PTPRD: variants seen among roughly 807,000 people sequenced by gnomAD.
The protein encoded by PTPRD is protein tyrosine phosphatase receptor type D.
PTPRD carries 34 observed loss-of-function variants against 214.5 expected under a neutral mutation model. That is an observed-to-expected ratio of 0.16 (90% CI 0.12 to 0.21). The LOEUF is 0.21. Ranked by LOEUF, PTPRD falls within the 10% of genes least tolerant of loss-of-function variation. The probability of loss-of-function intolerance (pLI) is 1.00; values close to 1 mark genes in which losing one functional copy is unlikely to be tolerated. For missense variants in PTPRD, 2,545 were observed against 2,398.7 expected, an observed-to-expected ratio of 1.06 and a Z score of -1.27; for synonymous variants, 1,128 against 845.7, an observed-to-expected ratio of 1.33 and a Z score of -5.79.
intron 7 of PTPRD, among the ~76,000 whole-genome samples, chr9:9,674,715 A>C (rs2096896779): frequency 1.3e-5 from 2 of 151,826 alleles, no homozygotes; most frequent in Non-Finnish European, 1.5e-5. Flanking sequence ...TAGGGTAATA[A>C]AATGTCACTA....
chr9:8,385,811 G>T (rs10758969), intron 37 of PTPRD, among the ~76,000 whole-genome samples: 1 of 151,878 alleles, frequency 6.6e-6, no homozygotes, highest in Non-Finnish European at 1.5e-5. Context: ...TCCTGGGGGA[G>T]AGCAAGTAGG....
chr9:9,266,825 T>C (rs1364328618), intron 9 of PTPRD, among the ~76,000 whole-genome samples: 1 of 150,858 alleles, frequency 6.6e-6, no homozygotes, highest in African/African-American at 2.4e-5. Context: ...GGAGAAAAGC[T>C]TATGGAAGTA....
At chr9:10,076,010 A>G (rs1330208518) in intron 3 of PTPRD, among the ~76,000 whole-genome samples, 1 of 152,126 alleles carries the variant, frequency 6.6e-6, no homozygotes, top group Non-Finnish European at 1.5e-5. Context: ...CTAATAATCT[A>G]TTTTGAGTTC....
At chr9:10,092,935 A>G (rs1342364156) in intron 3 of PTPRD, among the ~76,000 whole-genome samples, 2 of 151,424 alleles carry the variant, frequency 1.3e-5, no homozygotes, top group Non-Finnish European at 3.0e-5. Context: ...GCCTTTTACC[A>G]TGTACAAAAA....
intron 2 of PTPRD, among the ~76,000 whole-genome samples, chr9:10,529,915 G>C (rs192726217): frequency 1.5e-4 from 23 of 151,904 alleles, no homozygotes; most frequent in Admixed American, 1.4e-3. Context: ...GGGGTGGGGG[G>C]CAAGAGAAGG....
chr9:9,841,154 A>C (rs983513440), intron 5 of PTPRD, among the ~76,000 whole-genome samples: 2 of 152,198 alleles, frequency 1.3e-5, no homozygotes, highest in East Asian at 3.8e-4. Context: ...ACCAGTAAAA[A>C]TATCTAAATT....
Position 8,893,712 on chromosome 9 carries a change from C to T in PTPRD, c.-104+124985G>A, listed in dbSNP as rs138686519. ...CACAAGGAAGATATAACCTAAGTGG[C>T]CATCAATAAGATACACATTTGAAAA... is the stretch of plus-strand genomic sequence containing the variant. On this transcript the variant is annotated intron_variant, in intron 11 of 45. Transcript: ENST00000381196. Among the ~76,000 whole-genome samples, 620 of 152,116 alleles carry T rather than the reference C, an allele frequency of 4.1e-3. 13 individuals carry two copies. The highest frequency in any genetic ancestry group is 5.3e-3 in the Non-Finnish European group (360 of 67,996).
At chr9:8,438,130 G>A (rs921575284) in intron 34 of PTPRD, among the ~76,000 whole-genome samples, 2 of 152,182 alleles carry the variant, frequency 1.3e-5, no homozygotes, top group Admixed American at 6.5e-5. Context: ...GAAGGCTACA[G>A]AATGATGGCC....
chr9:9,789,608 T>G (rs2098951939), intron 5 of PTPRD, among the ~76,000 whole-genome samples: 1 of 151,492 alleles, frequency 6.6e-6, no homozygotes. Flanking sequence ...CTATCCTGGC[T>G]AACACGATGA....
chr9:10,609,080 C>T (rs1307693649), intron 2 of PTPRD, among the ~76,000 whole-genome samples: 2 of 151,934 alleles, frequency 1.3e-5, no homozygotes, highest in Non-Finnish European at 2.9e-5. Context: ...ATATCATTTG[C>T]ATTGTTAAAG....
intron 3 of PTPRD, among the ~76,000 whole-genome samples, chr9:10,062,197 A>T (rs917314109): frequency 1.3e-5 from 2 of 152,092 alleles, no homozygotes; most frequent in Non-Finnish European, 2.9e-5. Flanking sequence ...CTAGGCATTA[A>T]AAGATGCTGA....
At chr9:8,878,587 T>A (rs2098415697) in intron 11 of PTPRD, among the ~76,000 whole-genome samples, 1 of 151,870 alleles carries the variant, frequency 6.6e-6, no homozygotes, top group Admixed American at 6.6e-5. Context: ...AGTGCAGCAG[T>A]GTGATCAATA....
In PTPRD at chr9:9,577,091, A is replaced by C. The variant is rs74370751; in HGVS notation, c.-286-2310T>G. Among the ~76,000 whole-genome samples, 469 of 152,292 alleles carry C rather than the reference A, an allele frequency of 3.1e-3. 2 individuals carry two copies. The highest frequency in any genetic ancestry group is 0.011 in the African/African-American group (448 of 41,570). On this transcript the variant is annotated intron_variant, in intron 7 of 45. Transcript: ENST00000381196. ...TAAGTCATGGCTCATACTTAAGTTC[A>C]GGGATTCCAGAAATGATATTCAAAG...
chr9:8,528,706 C>T lies in PTPRD; in HGVS notation c.426G>A (p.Thr142=), dbSNP rs780898805. ...PQLKVVERTR[T]ATMLCAASGN... is the part of the protein sequence containing the mutation. ...CACTGGCTGCACAAAGCATGGTGGCCGTGCGAGTACGCTCAACCACCTTCA... is the reference window on the plus strand; with the variant it reads ...CACTGGCTGCACAAAGCATGGTGGCTGTGCGAGTACGCTCAACCACCTTCA... Residue 142 remains threonine, a synonymous_variant, in exon 15 of 46, where the codon ACG becomes ACA. Coordinates refer to ENST00000381196, the MANE Select transcript of PTPRD (RefSeq NM_002839.4). 3.2e-5 allele frequency: 52 copies of T among 1,613,408 alleles called. No individual in the cohort carries two copies. The highest frequency in any genetic ancestry group is 1.6e-4 in the Middle Eastern group (1 of 6,076).
At chr9:9,689,252 C>G (rs917477500) in intron 7 of PTPRD, among the ~76,000 whole-genome samples, 1 of 151,848 alleles carries the variant, frequency 6.6e-6, no homozygotes, top group Non-Finnish European at 1.5e-5. Flanking sequence ...CACATAAGGT[C>G]TCTGTAGACT....
chr9:9,715,655 G>A (rs1351422393), intron 7 of PTPRD, among the ~76,000 whole-genome samples: 3 of 152,004 alleles, frequency 2.0e-5, no homozygotes, highest in Non-Finnish European at 2.9e-5. Context: ...TCATCTGGAT[G>A]GAGAAAATAA....
At chr9:8,338,292 T>C (rs1025351952) in intron 43 of PTPRD, among the ~76,000 whole-genome samples, 1 of 152,012 alleles carries the variant, frequency 6.6e-6, no homozygotes. Context: ...TAGAACATCT[T>C]ACATCAGGGC....
rs941852339 is a variant in PTPRD, at chr9:9,865,022, C to G, written c.-368+73485G>C. Among the ~76,000 whole-genome samples the G allele has an allele frequency of 2.0e-5, 3 of 151,074 alleles. No individual in the cohort carries two copies. The East Asian group carries it at 5.8e-4, about 29-fold the overall frequency. Reference sequence around the variant, plus strand: ...TATATTAAAACATAAACAAAAATACCTCTATATTCTTATTTGAAGTGTGAT... The same window carrying G: ...TATATTAAAACATAAACAAAAATACGTCTATATTCTTATTTGAAGTGTGAT... On this transcript the variant is annotated intron_variant, in intron 5 of 45. Transcript: ENST00000381196.
chr9:8,670,422 G>C (rs112794394), intron 12 of PTPRD, among the ~76,000 whole-genome samples: 6 of 152,186 alleles, frequency 3.9e-5, no homozygotes, highest in African/African-American at 1.2e-4. Flanking sequence ...TGAATGTATG[G>C]ATTATAGTCT....
Sources: gnomAD v4.1 joint callset for allele counts (sites outside exome capture counted in the v4.1 genomes callset) on GRCh38, gnomAD v4.1.1 for gene constraint, MANE v1.5 for transcripts, NCBI Gene and HGNC (gene_info 2026-07-23, HGNC 2026-07-21) for gene names.